OXSR1: variants seen among roughly 807,000 people sequenced by gnomAD.
OXSR1 encodes the protein serine/threonine-protein kinase OSR1.
In OXSR1, 24 loss-of-function variants were observed where a neutral mutation model predicts 79.8. That is an observed-to-expected ratio of 0.30 (90% CI 0.22 to 0.42). The LOEUF (loss-of-function observed/expected upper bound fraction) is 0.42, where lower values mean the gene tolerates loss of function less well. Ranked by LOEUF, OXSR1 falls within the 10% of genes least tolerant of loss-of-function variation. The pLI is 1.00. For synonymous variants in OXSR1, 226 were observed against 209.2 expected, an observed-to-expected ratio of 1.08 and a Z score of -0.69; for missense variants, 430 against 618.4, an observed-to-expected ratio of 0.70 and a Z score of 3.23.
rs900409068 is a variant in OXSR1, at chr3:38,247,739, A to T, written c.1322+7A>T. ...GTCTAGTACTAAGATTAAGGTAAGT[A>T]GACATTTTTTGTTTTGTTTTCTTTT... is the stretch of plus-strand genomic sequence containing the variant. On this transcript the variant is annotated splice_region_variant and intron_variant, in intron 14 of 17. Transcript: ENST00000311806. 3 of 1,595,672 alleles carry T rather than the reference A, an allele frequency of 1.9e-6. No homozygotes were observed. The African/African-American group carries it at 4.0e-5, about 21-fold the overall frequency.
chr3:38,164,483 G>A (rs977297659), upstream of OXSR1, among the ~76,000 whole-genome samples: 9 of 152,194 alleles, frequency 5.9e-5, no homozygotes, highest in African/African-American at 2.2e-4. Context: ...TGGACTGAAA[G>A]GTGTCCAACC....
chr3:38,246,351 T>C (rs1703142648), intron 13 of OXSR1, 130 bp downstream of exon 13: 1 of 896,118 alleles, frequency 1.1e-6, no homozygotes, highest in Non-Finnish European at 1.6e-6. Context: ...AGAAATTCTG[T>C]CTTCACATTT....
intron 1 of OXSR1, among the ~76,000 whole-genome samples, chr3:38,166,366 A>G (rs575778980): frequency 7.6e-4 from 116 of 152,264 alleles, no homozygotes; most frequent in African/African-American, 2.2e-3. Context: ...TTTTTCCTCC[A>G]TCCGTGCTGG....
chr3:38,246,301 TG>T, intron 13 of OXSR1, 80 bp downstream of exon 13: 10 of 1,359,322 alleles, frequency 7.4e-6, no homozygotes, highest in Non-Finnish European at 1.0e-5. Context: ...TATAACCTAA[TG>T]TAATCAGGTT....
At chr3:38,229,855 T>C in intron 9 of OXSR1, 120 bp downstream of exon 9, 3 of 785,230 alleles carry the variant, frequency 3.8e-6, no homozygotes. Flanking sequence ...GATAAAATAA[T>C]TGCAGAAAGC....
intron 1 of OXSR1, among the ~76,000 whole-genome samples, chr3:38,174,583 A>AAAAC (rs754279980): frequency 1.3e-5 from 2 of 152,314 alleles, no homozygotes; most frequent in Admixed American, 1.3e-4. Context: ...CACTGTCTCA[A>AAAAC]AAACAAACAA....
At chr3:38,224,774 C>T (rs1451733459) in intron 8 of OXSR1, 70 bp downstream of exon 8, 3 of 1,016,738 alleles carry the variant, frequency 3.0e-6, no homozygotes, top group Non-Finnish European at 4.3e-6. Context: ...ATCACATACT[C>T]ATATGTACAG....
chr3:38,178,202 C>A (rs184588807), intron 1 of OXSR1, among the ~76,000 whole-genome samples: 4 of 152,206 alleles, frequency 2.6e-5, no homozygotes, highest in Admixed American at 6.5e-5. Flanking sequence ...CTGCCCACCT[C>A]GGCCTCCCAA....
Position 38,230,352 on chromosome 3 carries a change from T to G in OXSR1, c.886-13T>G. On this transcript the variant is annotated splice_polypyrimidine_tract_variant and intron_variant, in intron 9 of 17. Coordinates refer to ENST00000311806, the MANE Select transcript of OXSR1 (RefSeq NM_005109.3). ...AAACTTGTAAGAACAAAATACTTAC[T>G]TTTCCTCTCCAGAATAAAGAATTTC... 3 of 1,556,376 alleles carry G rather than the reference T, an allele frequency of 1.9e-6. No homozygotes were observed. The highest frequency in any genetic ancestry group is 2.6e-6 in the Non-Finnish European group (3 of 1,135,798).
At chr3:38,213,105 T>G (rs1409198888) in intron 4 of OXSR1, among the ~76,000 whole-genome samples, 1 of 152,208 alleles carries the variant, frequency 6.6e-6, no homozygotes, top group Non-Finnish European at 1.5e-5. Flanking sequence ...TCTCTTCACT[T>G]ATGAAAGACT....
At chr3:38,252,496 G>T in intron 17 of OXSR1, 104 bp downstream of exon 17, 1 of 859,236 alleles carries the variant, frequency 1.2e-6, no homozygotes, top group Non-Finnish European at 2.0e-6. Flanking sequence ...ATTAAAATGT[G>T]GTGGATTGTG....
chr3:38,240,973 G>A (rs1460021800), intron 11 of OXSR1, among the ~76,000 whole-genome samples: 2 of 152,112 alleles, frequency 1.3e-5, no homozygotes, highest in African/African-American at 2.4e-5. Context: ...TACAATCATC[G>A]TCGCAAGGAT....
At chr3:38,193,121 G>A (rs965979488) in intron 3 of OXSR1, among the ~76,000 whole-genome samples, 9 of 152,138 alleles carry the variant, frequency 5.9e-5, no homozygotes, top group South Asian at 2.1e-4. Flanking sequence ...GCATTTCAGG[G>A]TATTGATGAG....
At chr3:38,187,864 G>A (rs1425770599) in intron 2 of OXSR1, among the ~76,000 whole-genome samples, 1 of 152,126 alleles carries the variant, frequency 6.6e-6, no homozygotes, top group Non-Finnish European at 1.5e-5. Flanking sequence ...GGGATTATAG[G>A]TGTGAGCCAC....
At position 38,246,125 on chromosome 3, in the gene OXSR1, G is replaced by A; in HGVS notation, c.1161G>A (p.Gln387=). The A allele has an allele frequency of 2.5e-6, 4 of 1,613,790 alleles. No individual in the cohort carries two copies. The highest frequency in any genetic ancestry group is 3.4e-6 in the Non-Finnish European group (4 of 1,179,794). ...PVGTLLQVPE[Q]ISAHLPQPAG... is the part of the protein sequence containing the mutation. The stretch of plus-strand genomic sequence containing the variant: ...GTACTTTGCTCCAAGTTCCAGAACA[G>A]ATCTCTGCTCATCTACCTCAGCCAG... The change falls in exon 13 of 18, where the codon CAG becomes CAA. Residue 387 remains glutamine (Q), a synonymous_variant. Coordinates refer to ENST00000311806, the MANE Select transcript of OXSR1 (RefSeq NM_005109.3).
chr3:38,197,446 G>A (rs1285451224), intron 3 of OXSR1, among the ~76,000 whole-genome samples: 1 of 152,222 alleles, frequency 6.6e-6, no homozygotes, highest in Admixed American at 6.5e-5. Context: ...CTTGGTGTGT[G>A]TAGTTCTGAG....
At chr3:38,225,646 G>A (rs1051459887) in intron 8 of OXSR1, among the ~76,000 whole-genome samples, 4 of 152,042 alleles carry the variant, frequency 2.6e-5, no homozygotes, top group African/African-American at 9.6e-5. Context: ...TTGGTTAAAG[G>A]AACAAAATTA....
At chr3:38,168,407 A>C (rs1701509539) in intron 1 of OXSR1, among the ~76,000 whole-genome samples, 1 of 152,092 alleles carries the variant, frequency 6.6e-6, no homozygotes, top group African/African-American at 2.4e-5. Flanking sequence ...GTCTCTATGG[A>C]CTTGCCTTTT....
intron 5 of OXSR1, among the ~76,000 whole-genome samples, chr3:38,219,481 T>C (rs1012328206): frequency 1.3e-5 from 2 of 152,196 alleles, no homozygotes; most frequent in Non-Finnish European, 2.9e-5. Context: ...ATTGAGTGTT[T>C]AGTATTAAAA....
Sources: allele counts gnomAD v4.1 joint callset (sites outside exome capture counted in the v4.1 genomes callset), GRCh38; gene constraint gnomAD v4.1.1; transcripts MANE v1.5; gene names NCBI Gene and HGNC (gene_info 2026-07-23, HGNC 2026-07-21).